The following TRIM39 variants were observed in gnomAD, a reference collection of about 807,000 sequenced individuals.
The protein encoded by TRIM39 is E3 ubiquitin-protein ligase TRIM39.
In TRIM39, 5 loss-of-function variants were observed where a neutral mutation model predicts 53.6. The observed-to-expected ratio is 0.09, with a 90% confidence interval of 0.05 to 0.20. The LOEUF (loss-of-function observed/expected upper bound fraction) is 0.20, where lower values mean the gene tolerates loss of function less well. Among genes scored for constraint, TRIM39 ranks in the 10% least tolerant of loss-of-function variants. The probability of loss-of-function intolerance (pLI) is 1.00; values close to 1 mark genes in which losing one functional copy is unlikely to be tolerated. For synonymous variants in TRIM39, 196 were observed against 237.6 expected, an observed-to-expected ratio of 0.82 and a Z score of 1.61; for missense variants, 310 against 621.0, an observed-to-expected ratio of 0.50 and a Z score of 5.32.
At chr6:30,341,940 C>A (rs2127415043) in exon 8 of TRIM39, 1 of 1,613,072 alleles carries the variant, frequency 6.2e-7, no homozygotes, top group South Asian at 1.1e-5. Flanking sequence ...TGCCGGGACT[C>A]CGTGAGCCGA....
chr6:30,337,397 C>A (rs1786998218), intron 5 of TRIM39, among the ~76,000 whole-genome samples: 1 of 151,886 alleles, frequency 6.6e-6, no homozygotes, highest in Non-Finnish European at 1.5e-5. Flanking sequence ...AAGAGTGAAA[C>A]TCCATCCCCC....
chr6:30,340,308 G>T, intron 6 of TRIM39, 197 bp from the exon 7 acceptor site: 1 of 1,613,058 alleles, frequency 6.2e-7, no homozygotes, highest in Non-Finnish European at 8.5e-7. Context: ...CACTCTCAAC[G>T]ATCTGTCCAC....
At chr6:30,334,149 G>C (rs1329583858) in intron 4 of TRIM39, among the ~76,000 whole-genome samples, 1 of 152,178 alleles carries the variant, frequency 6.6e-6, no homozygotes, top group Admixed American at 6.5e-5. Flanking sequence ...GAACTAGCTT[G>C]AATCCACAAA....
In TRIM39 at chr6:30,329,783, A is replaced by G; in HGVS notation, c.453+13A>G. 1.2e-6 allele frequency: 2 copies of G among 1,607,010 alleles called. No homozygotes were observed. The highest frequency in any genetic ancestry group is 1.7e-6 in the Non-Finnish European group (2 of 1,175,702). ...ACAGGAGTACAAGGTGGGGAAGCAG[A>G]CACACGATGTCAGTGTGGGTAAAAA... is the stretch of plus-strand genomic sequence containing the variant. On this transcript the variant is annotated intron_variant, in intron 3 of 7. Transcript: ENST00000396551.
At chr6:30,334,384 T>C (rs1786605080) in intron 4 of TRIM39, among the ~76,000 whole-genome samples, 1 of 152,226 alleles carries the variant, frequency 6.6e-6, no homozygotes, top group Admixed American at 6.5e-5. Context: ...GAAAGTGTTA[T>C]GGCTGGTGTT....
In TRIM39 at chr6:30,342,101, G is replaced by A. The variant is rs1366871797; in HGVS notation, c.1309G>A (p.Gly437Ser). The A allele has an allele frequency of 5.0e-6, 8 of 1,613,012 alleles. No individual in the cohort carries two copies. Among genetic ancestry groups the A allele is most frequent in the Non-Finnish European group, 6.8e-6 (8 of 1,180,024 alleles). Residue 437 changes from glycine to serine, a missense_variant, in exon 8 of 8, where the codon GGC becomes AGC. Transcript: ENST00000396551. This position sits in a 1 kb window ranked among gnomAD's most constrained non-coding sequence, Gnocchi z 4.7. ...AGGCATATTCCTAGACTATGAGGCC[G>A]GCACACTGTCTTTCTACAATGTCAC...
rs1447918731 is a variant in TRIM39 at position 30,335,435 on chromosome 6, C to T, written c.550-310C>T. On this transcript the variant is annotated intron_variant, in intron 4 of 7. Transcript: ENST00000396551. The surrounding 1 kb of genome is among the most constrained non-coding windows in gnomAD (Gnocchi z 4.7). The stretch of plus-strand genomic sequence containing the variant: ...CTTCTTTGCTCAAGCCATCATCCCA[C>T]CTCAGCCTCTCCAGTAGCTGGGACT... Among the ~76,000 whole-genome samples, 3 of 152,182 alleles carry T rather than the reference C, an allele frequency of 2.0e-5. No homozygotes were observed. Among genetic ancestry groups the T allele is most frequent in the Admixed American group, 2.0e-4 (3 of 15,284 alleles).
rs1786757360 is a variant in TRIM39 at position 30,335,614 on chromosome 6, C to T, written c.550-131C>T. On this transcript the variant is annotated intron_variant, in intron 4 of 7. Transcript: ENST00000396551. The surrounding 1 kb of genome is among the most constrained non-coding windows in gnomAD (Gnocchi z 4.7). ...CTGGGATTACAGTCATGTGTCACCACACCCAGCCTTTGTTAAACCATTTTC... is the reference window on the plus strand; with the variant it reads ...CTGGGATTACAGTCATGTGTCACCATACCCAGCCTTTGTTAAACCATTTTC... 8.0e-6 allele frequency: 10 copies of T among 1,255,032 alleles called. No homozygotes were observed. The highest frequency in any genetic ancestry group is 1.1e-5 in the Non-Finnish European group (10 of 925,108). 77.7% of individuals were successfully genotyped at this position (1,255,032 alleles called of 1,614,324 possible).
intron 4 of TRIM39, among the ~76,000 whole-genome samples, chr6:30,333,660 C>T (rs1786495786): frequency 1.3e-5 from 2 of 151,404 alleles, no homozygotes; most frequent in African/African-American, 4.9e-5. Flanking sequence ...CGTGCCTGGC[C>T]GCCCAGGCCT....
At chr6:30,329,105 G>C in intron 2 of TRIM39, 64 bp downstream of exon 2, 1 of 596,872 alleles carries the variant, frequency 1.7e-6, no homozygotes, top group Non-Finnish European at 2.8e-6. Context: ...AAAAAAGGTT[G>C]ATGGCTGGGA....
chr6:30,334,180 TC>T (rs1454079046), intron 4 of TRIM39, among the ~76,000 whole-genome samples: 1 of 152,220 alleles, frequency 6.6e-6, no homozygotes, highest in African/African-American at 2.4e-5. Flanking sequence ...GTCAGGCCCA[TC>T]CTGGCTTTGC....
At chr6:30,329,466 A>G in exon 3 of TRIM39, 1 of 1,613,104 alleles carries the variant, frequency 6.2e-7, no homozygotes, top group Non-Finnish European at 8.5e-7. Context: ...AACTTCTGCA[A>G]AGCTTGCATC....
At chr6:30,336,233 G>A (rs1786844551) in intron 5 of TRIM39, 3 of 712,766 alleles carry the variant, frequency 4.2e-6, no homozygotes, top group South Asian at 1.5e-5. Flanking sequence ...CTTTTGAAAG[G>A]AGGGAAGTCT....
chr6:30,335,601 T>G lies in TRIM39; in HGVS notation c.550-144T>G. 1 of 1,135,006 alleles carries G rather than the reference T, an allele frequency of 8.8e-7. No homozygotes were observed. The highest frequency in any genetic ancestry group is 1.6e-5 in the South Asian group (1 of 61,622). 70.3% of individuals were successfully genotyped at this position (1,135,006 alleles called of 1,614,324 possible). On this transcript the variant is annotated intron_variant, in intron 4 of 7. Coordinates refer to ENST00000396551, the Ensembl canonical transcript of TRIM39. The surrounding 1 kb of genome is among the most constrained non-coding windows in gnomAD (Gnocchi z 4.7). ...GCCTCCCAAAGTCCTGGGATTACAG[T>G]CATGTGTCACCACACCCAGCCTTTG...
chr6:30,329,953 A>G (rs17194845), intron 3 of TRIM39, among the ~76,000 whole-genome samples, 183 bp downstream of exon 3: 4,256 of 152,314 alleles, frequency 0.028, 95 homozygotes, highest in African/African-American at 0.061. Flanking sequence ...CAATGGTGAG[A>G]AGTGCCCTAA....
intron 4 of TRIM39, among the ~76,000 whole-genome samples, chr6:30,334,819 C>T (rs1476892333): frequency 6.6e-6 from 1 of 152,178 alleles, no homozygotes; most frequent in African/African-American, 2.4e-5. Flanking sequence ...AACTCAAACT[C>T]CAGTGTTCAG....
intron 6 of TRIM39, chr6:30,340,232 G>A: frequency 1.3e-6 from 2 of 1,556,550 alleles, no homozygotes; most frequent in Non-Finnish European, 1.8e-6. Context: ...AAGGGGTTGG[G>A]AGAGCAGGGA....
chr6:30,330,041 G>A (rs1201216918), intron 3 of TRIM39, among the ~76,000 whole-genome samples: 1 of 152,204 alleles, frequency 6.6e-6, no homozygotes, highest in Non-Finnish European at 1.5e-5. Context: ...TTTCATAAAT[G>A]AATGAAACCA....
intron 6 of TRIM39, 76 bp downstream of exon 6, chr6:30,340,006 T>TG: frequency 1.2e-6 from 2 of 1,610,120 alleles, no homozygotes; most frequent in Non-Finnish European, 1.7e-6. Context: ...GAGTTTGGGT[T>TG]GGGGGTGAGG....
Sources: allele counts gnomAD v4.1 joint callset (sites outside exome capture counted in the v4.1 genomes callset), GRCh38; gene constraint gnomAD v4.1.1; non-coding constraint Gnocchi (gnomAD v3.1); transcripts MANE v1.5; gene names NCBI Gene and HGNC (gene_info 2026-07-23, HGNC 2026-07-21).